COL23A1: variants seen among roughly 807,000 people sequenced by gnomAD.
COL23A1 encodes the protein collagen type XXIII alpha 1 chain, also known as collagen alpha-1(XXIII) chain.
In COL23A1, 97 loss-of-function variants were observed where a neutral mutation model predicts 99.3. That is an observed-to-expected ratio of 0.98 (90% CI 0.83 to 1.16). COL23A1 has a LOEUF of 1.16. Among genes scored for constraint, COL23A1 ranks in the 50% most tolerant of loss-of-function variants. The pLI, the probability that COL23A1 is intolerant of heterozygous loss-of-function variation, is 0.00. For missense variants in COL23A1, 762 were observed against 757.4 expected (o/e 1.01, Z -0.07); for synonymous variants, 320 against 308.2 (o/e 1.04, Z -0.40).
rs867250880 is a variant in COL23A1 at position 178,518,169 on chromosome 5, C to A, written c.361+42513G>T. On this transcript the variant is annotated intron_variant, in intron 2 of 28. Coordinates refer to ENST00000390654, the MANE Select transcript of COL23A1 (RefSeq NM_173465.4). ...TTGCACCGCCCTTAATCCATTTAACCCTGAGTGGACACAGCACATGTTTCA... is the reference window on the plus strand; with the variant it reads ...TTGCACCGCCCTTAATCCATTTAACACTGAGTGGACACAGCACATGTTTCA... 2.0e-3 allele frequency among the ~76,000 whole-genome samples: 286 copies of A among 139,994 alleles called. 4 individuals are homozygous for A. Among genetic ancestry groups the A allele is most frequent in the African/African-American group, 7.4e-3 (267 of 35,864 alleles). The allele number at this position is 139,994 out of a possible 152,430, so 91.8% of individuals were successfully genotyped here.
chr5:178,247,378 C>T (rs1453428848), intron 22 of COL23A1, 148 bp downstream of exon 22: 3 of 839,862 alleles, frequency 3.6e-6, no homozygotes, highest in Non-Finnish European at 5.7e-6. Context: ...AGGTTATGCC[C>T]TGGGGACTTG....
chr5:178,534,476 C>T (rs761856986), intron 2 of COL23A1, among the ~76,000 whole-genome samples: 10 of 152,104 alleles, frequency 6.6e-5, no homozygotes, highest in Admixed American at 1.3e-4. Context: ...CGCTCACTGG[C>T]CAAGTCAGAA....
rs144634623 is a variant in COL23A1 at position 178,480,179 on chromosome 5, G to A, written c.361+80503C>T. ...AAAAAAGAAAATTTTTTAAATAGGT[G>A]GAGGAGATAGATGAAGCCTGATCAG... On this transcript the variant is annotated intron_variant, in intron 2 of 28. Coordinates refer to ENST00000390654, the MANE Select transcript of COL23A1 (RefSeq NM_173465.4). 1.0e-3 allele frequency among the ~76,000 whole-genome samples: 157 copies of A among 152,094 alleles called. 2 individuals are homozygous for A. In the East Asian group the frequency reaches 0.024, roughly 23 times the overall value.
intron 2 of COL23A1, among the ~76,000 whole-genome samples, chr5:178,459,230 G>A (rs1755980046): frequency 6.7e-6 from 1 of 149,744 alleles, no homozygotes; most frequent in East Asian, 2.3e-4. Flanking sequence ...TGTAATAAAT[G>A]GTATTTTGGT....
intron 2 of COL23A1, among the ~76,000 whole-genome samples, chr5:178,370,899 A>G (rs2910118): frequency 0.37 from 56,906 of 152,100 alleles, 11,340 homozygotes; most frequent in African/African-American, 0.51. Flanking sequence ...CCGTGATCAC[A>G]TAACTGCACT....
At chr5:178,492,403 C>T (rs981870913) in intron 2 of COL23A1, among the ~76,000 whole-genome samples, 11 of 152,172 alleles carry the variant, frequency 7.2e-5, no homozygotes, top group African/African-American at 1.7e-4. Flanking sequence ...CGTGTGAGGA[C>T]GCAGGGAAGG....
intron 2 of COL23A1, among the ~76,000 whole-genome samples, chr5:178,426,391 CCT>C (rs1765936720): frequency 6.6e-6 from 1 of 152,216 alleles, no homozygotes; most frequent in African/African-American, 2.4e-5. Flanking sequence ...TGCTTCTTCA[CCT>C]CTGTGTTTAC....
intron 2 of COL23A1, among the ~76,000 whole-genome samples, chr5:178,323,377 T>C (rs1759455825): frequency 6.6e-6 from 1 of 152,108 alleles, no homozygotes; most frequent in South Asian, 2.1e-4. Context: ...AGGCCCCTAC[T>C]CTGTGGGGAC....
intron 2 of COL23A1, among the ~76,000 whole-genome samples, chr5:178,457,252 C>T (rs1045944131): frequency 6.6e-6 from 1 of 152,124 alleles, no homozygotes; most frequent in African/African-American, 2.4e-5. Flanking sequence ...TTCACTCTGT[C>T]GCCCAGGCTG....
rs375019088 is a variant in COL23A1 at position 178,247,552 on chromosome 5, C to T, written c.1270G>A (p.Gly424Ser). ...TTGGGACCCTGGATTCCCTGGAGGCCCTGCAGGAGGAGGAAGCAGATAAGA... is the reference window on the plus strand; with the variant it reads ...TTGGGACCCTGGATTCCCTGGAGGCTCTGCAGGAGGAGGAAGCAGATAAGA... The part of the protein sequence containing the change: ...PGPPGPPGPM[G>S]LQGIQGPKGL... Residue 424 changes from glycine to serine, a missense_variant and splice_region_variant, in exon 22 of 29, where the codon GGC (glycine) becomes AGC (serine). By Grantham distance (56) the Gly-to-Ser change is moderately conservative. Coordinates refer to ENST00000390654, the MANE Select transcript of COL23A1 (RefSeq NM_173465.4). The T allele has an allele frequency of 1.9e-5, 30 of 1,613,886 alleles. No individual in the cohort carries two copies. The highest frequency in any genetic ancestry group is 2.4e-5 in the Non-Finnish European group (28 of 1,179,916).
chr5:178,590,221 C>A lies in COL23A1; in HGVS notation c.-24G>T. 1 of 1,208,642 alleles carries A rather than the reference C, an allele frequency of 8.3e-7. No homozygotes were observed. Among genetic ancestry groups the A allele is most frequent in the Non-Finnish European group, 1.0e-6 (1 of 972,926 alleles). The allele number at this position is 1,208,642 out of a possible 1,614,324, so 74.9% of individuals were successfully genotyped here. ...ATGGCGCGTTCGTCGCGCGTGGACTCTCCGAGGGGGCGGTGCTGCTGGGGC... is the reference window on the plus strand; with the variant it reads ...ATGGCGCGTTCGTCGCGCGTGGACTATCCGAGGGGGCGGTGCTGCTGGGGC... On this transcript the variant is annotated 5_prime_UTR_variant, in exon 1 of 29. Transcript: ENST00000390654. The surrounding 1 kb of genome is among the most constrained non-coding windows in gnomAD (Gnocchi z 5.7).
In COL23A1 at chr5:178,294,484, TC is replaced by T. The variant is rs372152362; in HGVS notation, c.407-4116del. Among the ~76,000 whole-genome samples the T allele has an allele frequency of 1.3e-3, 128 of 95,322 alleles. 5 individuals carry two copies. The highest frequency in any genetic ancestry group is 2.5e-3 in the African/African-American group (52 of 21,098). 62.5% of individuals were successfully genotyped at this position (95,322 alleles called of 152,430 possible). On this transcript the variant is annotated intron_variant, in intron 3 of 28. Transcript: ENST00000390654. ...CTCCCCAAATCACTACCGAGCTCCC[TC>T]CCCAAATCACTACCGAGCTCCCTCC...
Position 178,589,696 on chromosome 5 carries a change from G to C in COL23A1, c.294+208C>G, listed in dbSNP as rs565168326. Among the ~76,000 whole-genome samples the C allele has an allele frequency of 6.6e-6, 1 of 152,084 alleles. No individual in the cohort carries two copies. Among genetic ancestry groups the C allele is most frequent in the Non-Finnish European group, 1.5e-5 (1 of 68,010 alleles). ...CTGCCTGGCACGGGACCCTGAGGCCGGAGCGGAGACCGCAAAACCCCTTGG... is the reference window on the plus strand; with the variant it reads ...CTGCCTGGCACGGGACCCTGAGGCCCGAGCGGAGACCGCAAAACCCCTTGG... On this transcript the variant is annotated intron_variant, in intron 1 of 28. Coordinates refer to ENST00000390654, the MANE Select transcript of COL23A1 (RefSeq NM_173465.4). The surrounding 1 kb of genome is among the most constrained non-coding windows in gnomAD (Gnocchi z 5.4).
At chr5:178,335,761 A>G (rs1352459913) in intron 2 of COL23A1, among the ~76,000 whole-genome samples, 4 of 152,222 alleles carry the variant, frequency 2.6e-5, no homozygotes, top group African/African-American at 9.6e-5. Context: ...TAGACCTAGG[A>G]CACTGTGATC....
intron 2 of COL23A1, among the ~76,000 whole-genome samples, chr5:178,518,771 C>G (rs1759761063): frequency 6.7e-6 from 1 of 150,126 alleles, no homozygotes; most frequent in African/African-American, 2.4e-5. Context: ...AATCTCGGCA[C>G]TTTGGGAGGC....
intron 2 of COL23A1, among the ~76,000 whole-genome samples, chr5:178,510,363 G>A (rs1215030880): frequency 6.6e-6 from 1 of 152,290 alleles, no homozygotes; most frequent in African/African-American, 2.4e-5. Context: ...CCAACATGGT[G>A]AAACCCTGTC....
intron 2 of COL23A1, among the ~76,000 whole-genome samples, chr5:178,374,473 G>A (rs546614780): frequency 6.6e-6 from 1 of 152,320 alleles, no homozygotes; most frequent in Admixed American, 6.5e-5. Context: ...GTTTTTGAGT[G>A]CGGTTAAAAT....
intron 2 of COL23A1, among the ~76,000 whole-genome samples, chr5:178,376,263 C>T (rs565349770): frequency 2.5e-4 from 38 of 152,186 alleles, no homozygotes; most frequent in Non-Finnish European, 4.1e-4. Context: ...TCCGGGTTTC[C>T]GTCTGTTTTG....
At chr5:178,243,619 G>A (rs1055514354) in intron 25 of COL23A1, among the ~76,000 whole-genome samples, 1 of 152,206 alleles carries the variant, frequency 6.6e-6, no homozygotes, top group Non-Finnish European at 1.5e-5. Context: ...TGTGAAATAG[G>A]GGTGGTGGGA....
Sources: allele counts gnomAD v4.1 joint callset (sites outside exome capture counted in the v4.1 genomes callset), GRCh38; gene constraint gnomAD v4.1.1; non-coding constraint Gnocchi (gnomAD v3.1); transcripts MANE v1.5; gene names NCBI Gene and HGNC (gene_info 2026-07-23, HGNC 2026-07-21).